The following RASGRF2 variants were observed in gnomAD, a reference collection of about 807,000 sequenced individuals.
The protein encoded by RASGRF2 is Ras protein specific guanine nucleotide releasing factor 2, also known as ras-specific guanine nucleotide-releasing factor 2.
Under a neutral mutation model 151.0 loss-of-function variants are expected in RASGRF2, and 76 were observed. That is an observed-to-expected ratio of 0.50 (90% CI 0.42 to 0.61). The LOEUF is 0.61. Ranked by LOEUF, RASGRF2 falls within the 20% of genes least tolerant of loss-of-function variation. The pLI is 0.00. For synonymous variants in RASGRF2, 504 were observed against 566.5 expected (o/e 0.89, Z 1.57); for missense variants, 1,148 against 1,564.6 (o/e 0.73, Z 4.49).
At chr5:81,130,621 G>T (rs1008256942) in intron 17 of RASGRF2, among the ~76,000 whole-genome samples, 19 of 152,098 alleles carry the variant, frequency 1.2e-4, no homozygotes, top group Admixed American at 2.6e-4. Flanking sequence ...GCCCGAGGAG[G>T]GCTAGACCTA....
chr5:81,102,619 C>G (rs891802560), intron 12 of RASGRF2, among the ~76,000 whole-genome samples: 2 of 150,802 alleles, frequency 1.3e-5, no homozygotes, highest in Admixed American at 6.6e-5. Flanking sequence ...CACTTGAGCC[C>G]AGGATGTGGA....
chr5:81,187,383 A>G (rs1385572311), intron 18 of RASGRF2, among the ~76,000 whole-genome samples: 2 of 152,210 alleles, frequency 1.3e-5, no homozygotes, highest in Non-Finnish European at 1.5e-5. Context: ...AGACCACTCA[A>G]AGGTACCATA....
Position 81,112,631 on chromosome 5 carries a change from A to C in RASGRF2, c.1860A>C (p.Lys620Asn). The C allele has an allele frequency of 6.2e-7, 1 of 1,614,220 alleles. No individual in the cohort carries two copies. Residue 620 changes from lysine to asparagine, a missense_variant, in exon 14 of 27, where the codon AAA (lysine) becomes AAC (asparagine). Lys to Asn is a moderately conservative substitution (Grantham distance 94). Transcript: ENST00000265080. ...HMIKSDARLH[K>N]DDTDICFSKT... ...GTAGGTCTGATGCCCGTCTTCATAA[A>C]GACGACACTGACATTTGCTTCAGTA...
chr5:81,127,295 A>C lies in RASGRF2; in HGVS notation c.2686+132A>C. 4 of 888,580 alleles carry C rather than the reference A, an allele frequency of 4.5e-6. No homozygotes were observed. The South Asian group carries it at 7.1e-5, about 16-fold the overall frequency. 55.0% of individuals were successfully genotyped at this position (888,580 alleles called of 1,614,324 possible). On this transcript the variant is annotated intron_variant, in intron 17 of 26. Transcript: ENST00000265080. ...TCCCAGCATTTTGGGAAGCCGAAGC[A>C]GAAGGATTGCTTGAGACCAGTAGTT... is the stretch of plus-strand genomic sequence containing the variant.
chr5:81,145,316 G>C (rs889837723), intron 17 of RASGRF2, among the ~76,000 whole-genome samples: 2 of 107,076 alleles, frequency 1.9e-5, no homozygotes, highest in African/African-American at 6.8e-5. Flanking sequence ...TACATATAAG[G>C]CATAGCTGGA....
At chr5:81,203,930 T>TAG (rs1755449907) in intron 19 of RASGRF2, among the ~76,000 whole-genome samples, 2 of 152,250 alleles carry the variant, frequency 1.3e-5, no homozygotes, top group Non-Finnish European at 2.9e-5. Context: ...GGCTGGATCT[T>TAG]AGTCAACTCA....
intron 18 of RASGRF2, among the ~76,000 whole-genome samples, chr5:81,195,153 C>T (rs1580396528): frequency 6.6e-6 from 1 of 152,240 alleles, no homozygotes; most frequent in Non-Finnish European, 1.5e-5. Context: ...TAAACATGGG[C>T]AGGCGACATC....
intron 1 of RASGRF2, among the ~76,000 whole-genome samples, chr5:80,995,068 AAC>A (rs1748792253): frequency 6.6e-6 from 1 of 152,096 alleles, no homozygotes; most frequent in Non-Finnish European, 1.5e-5. Context: ...CATCCTGCCT[AAC>A]ACGGTGAAAC....
At chr5:81,012,303 A>G (rs1749489163) in intron 1 of RASGRF2, among the ~76,000 whole-genome samples, 1 of 152,112 alleles carries the variant, frequency 6.6e-6, no homozygotes, top group South Asian at 2.1e-4. Context: ...CTGTGGAATT[A>G]ATAGTAATTT....
chr5:81,180,989 C>CTTA (rs1754904114), intron 18 of RASGRF2, among the ~76,000 whole-genome samples: 2 of 152,132 alleles, frequency 1.3e-5, no homozygotes, highest in Admixed American at 6.5e-5. Context: ...ACCAGGCAGG[C>CTTA]CCTCCTGGAC....
At chr5:81,168,463 G>A (rs1047511842) in intron 17 of RASGRF2, among the ~76,000 whole-genome samples, 3 of 151,570 alleles carry the variant, frequency 2.0e-5, no homozygotes, top group Non-Finnish European at 4.4e-5. Context: ...GGCGCACACC[G>A]CCACGCTCAG....
Position 81,073,316 on chromosome 5 carries a change from A to G in RASGRF2, c.751A>G (p.Met251Val), listed in dbSNP as rs1396386420. ...MRKRNQIVFTMVEAESEYVHQ... is the reference protein window; with the variant it reads ...MRKRNQIVFTVVEAESEYVHQ... ...GAAGAGAAACCAGATTGTGTTCACC[A>G]TGGTGGAGGCAGAGTCAGAGTACGT... Residue 251 changes from methionine (M) to valine (V), a missense_variant, in exon 5 of 27, where the codon ATG becomes GTG. Transcript: ENST00000265080. The G allele has an allele frequency of 3.7e-6, 6 of 1,614,148 alleles. No individual in the cohort carries two copies. Among genetic ancestry groups the G allele is most frequent in the Admixed American group, 1.7e-5 (1 of 60,026 alleles).
intron 17 of RASGRF2, among the ~76,000 whole-genome samples, chr5:81,167,584 G>A (rs1002358050): frequency 3.9e-5 from 6 of 152,194 alleles, no homozygotes; most frequent in African/African-American, 7.2e-5. Flanking sequence ...TCCTCGCTGG[G>A]CTTTCTGTAA....
Position 81,070,562 on chromosome 5 carries a change from A to G in RASGRF2, c.614A>G (p.Asp205Gly). 6.2e-7 allele frequency: 1 copy of G among 1,608,860 alleles called. No homozygotes were observed. Among genetic ancestry groups the G allele is most frequent in the Non-Finnish European group, 8.5e-7 (1 of 1,175,232 alleles). ...AGCAACCAAGAAGACGAAGATCCAG[A>G]CATCAAGAAGATTAAAAAGGTAGGG... The part of the protein sequence containing the change: ...YQSNQEDEDP[D>G]IKKIKKVQSF... Residue 205 changes from aspartate (D) to glycine (G), a missense_variant, in exon 4 of 27, where the codon GAC (aspartate) becomes GGC (glycine). Asp to Gly is a moderately conservative substitution (Grantham distance 94). Coordinates refer to ENST00000265080, the MANE Select transcript of RASGRF2 (RefSeq NM_006909.3).
rs919519695 is a variant in RASGRF2 at position 81,228,983 on chromosome 5, A to G, written c.*3213A>G. The G allele has an allele frequency of 6.6e-5, 10 of 152,356 alleles. No individual in the cohort carries two copies. Among genetic ancestry groups the G allele is most frequent in the African/African-American group, 2.4e-4 (10 of 41,584 alleles). The allele number at this position is 152,356 out of a possible 1,614,324, so 9.4% of individuals were successfully genotyped here. The stretch of plus-strand genomic sequence containing the variant: ...AAAAATCCATTATGGTCCCATGTGG[A>G]GTGAATAATGATGGATCAGCACCCT... On this transcript the variant is annotated 3_prime_UTR_variant, in exon 27 of 27. Transcript: ENST00000265080.
intron 12 of RASGRF2, among the ~76,000 whole-genome samples, chr5:81,104,237 T>C (rs1240636553): frequency 6.6e-6 from 1 of 152,116 alleles, no homozygotes; most frequent in African/African-American, 2.4e-5. Context: ...GTGGCTGGTA[T>C]GTGGATGGCT....
At chr5:81,126,380 T>TA (rs1753453369) in intron 16 of RASGRF2, among the ~76,000 whole-genome samples, 1 of 152,242 alleles carries the variant, frequency 6.6e-6, no homozygotes, top group Admixed American at 6.5e-5. Flanking sequence ...TATATTAAGA[T>TA]ACAGTTTACA....
intron 5 of RASGRF2, among the ~76,000 whole-genome samples, chr5:81,078,365 C>T (rs1016514053): frequency 6.6e-6 from 1 of 152,152 alleles, no homozygotes; most frequent in Non-Finnish European, 1.5e-5. Flanking sequence ...TACTGTTGTA[C>T]CCATTCACCA....
intron 1 of RASGRF2, among the ~76,000 whole-genome samples, chr5:81,015,563 T>C (rs1749603898): frequency 1.3e-5 from 2 of 152,222 alleles, no homozygotes; most frequent in South Asian, 4.1e-4. Context: ...GTTTTATTTG[T>C]GGGCATGTGA....
Sources: allele counts gnomAD v4.1 joint callset (sites outside exome capture counted in the v4.1 genomes callset), GRCh38; gene constraint gnomAD v4.1.1; transcripts MANE v1.5; gene names NCBI Gene and HGNC (gene_info 2026-07-23, HGNC 2026-07-21).